Variants in RBM38 observed in about 807,000 individuals in gnomAD.
The protein encoded by RBM38 is RNA binding motif protein 38.
In RBM38, 11 loss-of-function variants were observed where a neutral mutation model predicts 23.5. The ratio of observed to expected loss-of-function variants is 0.47; its 90% CI spans 0.29 to 0.77. The LOEUF (loss-of-function observed/expected upper bound fraction) is 0.77, where lower values mean the gene tolerates loss of function less well. Among genes scored for constraint, RBM38 ranks in the 30% least tolerant of loss-of-function variants. The probability of loss-of-function intolerance (pLI) is 0.08; values close to 1 mark genes in which losing one functional copy is unlikely to be tolerated. For missense variants in RBM38, 330 were observed against 351.9 expected, an observed-to-expected ratio of 0.94 and a Z score of 0.50; for synonymous variants, 165 against 166.1, an observed-to-expected ratio of 0.99 and a Z score of 0.05.
At chr20:57,393,003 C>CAGTT (rs935266746) in intron 2 of RBM38, 2 of 686,336 alleles carry the variant, frequency 2.9e-6, no homozygotes, top group African/African-American at 3.6e-5. Flanking sequence ...TACTGCACCC[C>CAGTT]AGTTGCCAGC....
At position 57,392,776 on chromosome 20, in the gene RBM38, G is replaced by C; in HGVS notation, c.360G>C (p.Thr120=). ...YLGAKPRSLQ[T]GFAIGVQQLH... ...GCGCCAAGCCGCGGAGCCTCCAGACGGGTGAGAGCTTGTGTTTTCCTGCCT... is the reference window on the plus strand; with the variant it reads ...GCGCCAAGCCGCGGAGCCTCCAGACCGGTGAGAGCTTGTGTTTTCCTGCCT... The change falls in exon 2 of 4, where the codon ACG becomes ACC. Residue 120 remains threonine (T), a splice_region_variant and synonymous_variant. Transcript: ENST00000356208. 1 of 1,612,328 alleles carries C rather than the reference G, an allele frequency of 6.2e-7. No individual in the cohort carries two copies. Among genetic ancestry groups the C allele is most frequent in the Non-Finnish European group, 8.5e-7 (1 of 1,179,566 alleles).
chr20:57,393,197 T>A (rs1276671861), intron 2 of RBM38, 82 bp from the exon 3 acceptor site: 3 of 1,342,450 alleles, frequency 2.2e-6, no homozygotes, highest in African/African-American at 2.9e-5. Context: ...GTGTGGCTTG[T>A]GGGATTCTGC....
chr20:57,400,048 C>T (rs1438648914), intron 3 of RBM38: 2 of 452,366 alleles, frequency 4.4e-6, no homozygotes, highest in Non-Finnish European at 8.9e-6. Flanking sequence ...CTCTCTCCCG[C>T]CCACCACGGG....
chr20:57,396,243 G>A (rs911962464), intron 3 of RBM38, among the ~76,000 whole-genome samples: 1 of 152,182 alleles, frequency 6.6e-6, no homozygotes, highest in East Asian at 1.9e-4. Context: ...CTAACTGTAT[G>A]TGGCCACTGT....
chr20:57,404,182 G>T lies in RBM38; in HGVS notation c.417-3361G>T, dbSNP rs758740790. Among the ~76,000 whole-genome samples, 10 of 152,200 alleles carry T rather than the reference G, an allele frequency of 6.6e-5. 1 individual carries two copies. Among genetic ancestry groups the T allele is most frequent in the Non-Finnish European group, 1.5e-4 (10 of 68,038 alleles). On this transcript the variant is annotated intron_variant, in intron 3 of 3. Coordinates refer to ENST00000356208, the MANE Select transcript of RBM38 (RefSeq NM_017495.6). Reference sequence around the variant, plus strand: ...ATGACGCAGCCCTCGAGGTGAGTGTGGCCGGAACCCAGCTGCCCCACAGCC... The same window carrying T: ...ATGACGCAGCCCTCGAGGTGAGTGTTGCCGGAACCCAGCTGCCCCACAGCC...
chr20:57,394,708 C>T (rs138699508), intron 3 of RBM38, among the ~76,000 whole-genome samples: 234 of 152,254 alleles, frequency 1.5e-3, no homozygotes, highest in African/African-American at 5.4e-3. Context: ...ATGCCTTCAC[C>T]GAGATTCTTC....
intron 3 of RBM38, among the ~76,000 whole-genome samples, chr20:57,399,153 G>A (rs76255677): frequency 0.04 from 6,050 of 152,262 alleles, 167 homozygotes; most frequent in Non-Finnish European, 0.06. Flanking sequence ...GGGAGCAGCC[G>A]GGGAGGCTCA....
intron 3 of RBM38, among the ~76,000 whole-genome samples, chr20:57,396,115 A>G (rs2067272797): frequency 6.6e-6 from 1 of 152,280 alleles, no homozygotes; most frequent in Non-Finnish European, 1.5e-5. Flanking sequence ...ATGTTAGTTT[A>G]GAATGATTTA....
intron 1 of RBM38, chr20:57,392,226 C>G (rs1434365426): frequency 8.6e-6 from 3 of 348,610 alleles, no homozygotes; most frequent in South Asian, 2.2e-5. Flanking sequence ...CTCAGCCGCC[C>G]CAAATAAACA....
chr20:57,397,802 A>G (rs1023904431), intron 3 of RBM38, among the ~76,000 whole-genome samples: 1 of 152,208 alleles, frequency 6.6e-6, no homozygotes, highest in African/African-American at 2.4e-5. Context: ...AATAAGAAAG[A>G]CACGGTCCCC....
chr20:57,400,019 C>T, intron 3 of RBM38: 1 of 456,002 alleles, frequency 2.2e-6, no homozygotes, highest in South Asian at 1.5e-5. Flanking sequence ...AGCATGTGTC[C>T]CCAGCACCAT....
Position 57,391,557 on chromosome 20 carries a change from G to A in RBM38, c.-25G>A, listed in dbSNP as rs2067214272. On this transcript the variant is annotated 5_prime_UTR_variant, in exon 1 of 4. Coordinates refer to ENST00000356208, the MANE Select transcript of RBM38 (RefSeq NM_017495.6). ...ATGAGCGCAGCCCCGCGCGGCCCGG[G>A]TCCGTAGGCGGCGGGGCGCCCCCCA... 1 of 1,011,196 alleles carries A rather than the reference G, an allele frequency of 9.9e-7. No individual in the cohort carries two copies. Among genetic ancestry groups the A allele is most frequent in the Non-Finnish European group, 1.2e-6 (1 of 821,790 alleles). 62.6% of individuals were successfully genotyped at this position (1,011,196 alleles called of 1,614,324 possible). A position where few individuals can be genotyped will look rare whatever the true frequency, so the allele number is the denominator to read the frequency against.
intron 3 of RBM38, among the ~76,000 whole-genome samples, chr20:57,404,388 C>T (rs1433004164): frequency 1.3e-5 from 2 of 152,260 alleles, no homozygotes; most frequent in Admixed American, 1.3e-4. Flanking sequence ...CATCACTGCC[C>T]ATGTTTGGAG....
At position 57,408,228 on chromosome 20, in the gene RBM38, C is replaced by G. The variant is rs1339324476; in HGVS notation, c.*382C>G. On this transcript the variant is annotated 3_prime_UTR_variant, in exon 4 of 4. Transcript: ENST00000356208. The stretch of plus-strand genomic sequence containing the variant: ...GTCACAGACCCTCTGCAGCCCCTGG[C>G]TGCCCTGGACTGTGCAGAGATGCCT... 5.8e-6 allele frequency: 2 copies of G among 347,436 alleles called. No homozygotes were observed. Among genetic ancestry groups the G allele is most frequent in the Non-Finnish European group, 1.1e-5 (2 of 181,240 alleles). The allele number at this position is 347,436 out of a possible 1,614,324, so 21.5% of individuals were successfully genotyped here.
intron 3 of RBM38, among the ~76,000 whole-genome samples, chr20:57,404,321 T>C (rs552011577): frequency 2.6e-5 from 4 of 152,382 alleles, no homozygotes; most frequent in South Asian, 2.1e-4. Context: ...GCCTTTGCAG[T>C]CTGCATGGGA....
chr20:57,404,761 C>T (rs1407370376), intron 3 of RBM38, among the ~76,000 whole-genome samples: 1 of 152,272 alleles, frequency 6.6e-6, no homozygotes, highest in African/African-American at 2.4e-5. Flanking sequence ...GGGCATCGGG[C>T]AGCGTAGCGA....
At chr20:57,395,035 T>G (rs751224910) in intron 3 of RBM38, among the ~76,000 whole-genome samples, 2 of 152,232 alleles carry the variant, frequency 1.3e-5, no homozygotes, top group Non-Finnish European at 2.9e-5. Context: ...GTCTTGGCAG[T>G]GGCATCCTCA....
intron 3 of RBM38, among the ~76,000 whole-genome samples, chr20:57,401,127 C>G (rs939020219): frequency 2.6e-5 from 4 of 152,224 alleles, no homozygotes; most frequent in Admixed American, 6.5e-5. Context: ...GGCTGCTGCC[C>G]CCTGACCTGG....
At chr20:57,394,703 T>C (rs1212309699) in intron 3 of RBM38, among the ~76,000 whole-genome samples, 1 of 152,124 alleles carries the variant, frequency 6.6e-6, no homozygotes, top group Non-Finnish European at 1.5e-5. Context: ...CCTTCATGCC[T>C]TCACCGAGAT....
Sources: gnomAD v4.1 joint callset for allele counts (sites outside exome capture counted in the v4.1 genomes callset) on GRCh38, gnomAD v4.1.1 for gene constraint, MANE v1.5 for transcripts, NCBI Gene and HGNC (gene_info 2026-07-23, HGNC 2026-07-21) for gene names.